Variants in IDE observed in about 807,000 individuals in gnomAD.
IDE encodes the protein insulin-degrading enzyme.
In IDE, 58 loss-of-function variants were observed where a neutral mutation model predicts 133.2. That is an observed-to-expected ratio of 0.44 (90% CI 0.35 to 0.54). IDE has a LOEUF of 0.54. IDE is among the 20% of genes least tolerant of loss of function. The pLI, the probability that IDE is intolerant of heterozygous loss-of-function variation, is 0.00. For missense variants in IDE, 981 were observed against 1,234.0 expected (o/e 0.79, Z 3.07); for synonymous variants, 396 against 421.3 (o/e 0.94, Z 0.73).
intron 4 of IDE, among the ~76,000 whole-genome samples, chr10:92,522,264 T>C (rs543681062): frequency 1.4e-4 from 22 of 152,220 alleles, no homozygotes; most frequent in Non-Finnish European, 2.4e-4. Context: ...TACTTCTCTA[T>C]GCAAAAGCAT....
chr10:92,508,647 T>C, intron 7 of IDE, 81 bp downstream of exon 7: 1 of 1,310,862 alleles, frequency 7.6e-7, no homozygotes, highest in Admixed American at 1.8e-5. Context: ...TGTTCCTTCA[T>C]AGGACACTAT....
intron 14 of IDE, among the ~76,000 whole-genome samples, chr10:92,482,132 C>T (rs747250204): frequency 6.6e-6 from 1 of 152,176 alleles, no homozygotes; most frequent in African/African-American, 2.4e-5. Context: ...TCCTTTCCCT[C>T]TTTCCAAAGC....
At chr10:92,526,148 G>A (rs1321712566) in intron 4 of IDE, among the ~76,000 whole-genome samples, 1 of 143,530 alleles carries the variant, frequency 7.0e-6, no homozygotes, top group South Asian at 2.2e-4. Flanking sequence ...GCGGGACTCC[G>A]TCTCAAAAAA....
intron 9 of IDE, among the ~76,000 whole-genome samples, chr10:92,507,027 A>G (rs573618827): frequency 1.3e-5 from 2 of 152,300 alleles, no homozygotes; most frequent in South Asian, 2.1e-4. Flanking sequence ...GAATCTCGAT[A>G]GGCTTTAAAG....
At chr10:92,533,772 C>G (rs1207649509) in intron 3 of IDE, among the ~76,000 whole-genome samples, 1 of 150,960 alleles carries the variant, frequency 6.6e-6, no homozygotes, top group Non-Finnish European at 1.5e-5. Flanking sequence ...GCCTGTAATC[C>G]CAGCACTCTG....
chr10:92,515,701 C>CA (rs1848882134), intron 4 of IDE, among the ~76,000 whole-genome samples: 1 of 149,990 alleles, frequency 6.7e-6, no homozygotes, highest in African/African-American at 2.4e-5. Context: ...AGCTGGATTA[C>CA]AGGCATGCGC....
chr10:92,480,393 A>G (rs1383010083), intron 14 of IDE, among the ~76,000 whole-genome samples: 1 of 152,240 alleles, frequency 6.6e-6, no homozygotes, highest in African/African-American at 2.4e-5. Flanking sequence ...GCTAGAGGGG[A>G]CACATAATAA....
intron 1 of IDE, among the ~76,000 whole-genome samples, chr10:92,551,829 A>G (rs1299201594): frequency 6.6e-6 from 1 of 151,716 alleles, no homozygotes; most frequent in East Asian, 1.9e-4. Context: ...GCCACCGAAC[A>G]ATACACTTAA....
At chr10:92,569,485 A>G (rs1383256122) in intron 1 of IDE, among the ~76,000 whole-genome samples, 3 of 152,224 alleles carry the variant, frequency 2.0e-5, no homozygotes, top group Non-Finnish European at 4.4e-5. Context: ...GAAGATGATC[A>G]TGGCCTGAAC....
intron 17 of IDE, among the ~76,000 whole-genome samples, chr10:92,471,760 GC>G (rs1845979215): frequency 6.6e-6 from 1 of 152,012 alleles, no homozygotes; most frequent in Non-Finnish European, 1.5e-5. Flanking sequence ...TGTCACCCAG[GC>G]TGAAGTGCAG....
At chr10:92,498,711 G>A (rs942429672) in intron 11 of IDE, among the ~76,000 whole-genome samples, 6 of 152,098 alleles carry the variant, frequency 3.9e-5, no homozygotes, top group Admixed American at 1.3e-4. Flanking sequence ...AGCCAAGATC[G>A]TGCCATTGCA....
At chr10:92,490,733 C>T (rs745815458) in intron 11 of IDE, 138 bp from the exon 12 acceptor site, 3 of 620,870 alleles carry the variant, frequency 4.8e-6, no homozygotes, top group Middle Eastern at 4.3e-4. Flanking sequence ...TCCTGTAAGG[C>T]TTAGTCCAAA....
At chr10:92,570,405 G>T (rs1843729350) in intron 1 of IDE, among the ~76,000 whole-genome samples, 1 of 152,124 alleles carries the variant, frequency 6.6e-6, no homozygotes, top group Non-Finnish European at 1.5e-5. Context: ...CTACAGAGTA[G>T]ACATTCAAAT....
intron 4 of IDE, among the ~76,000 whole-genome samples, chr10:92,515,935 C>T (rs563529799): frequency 4.7e-5 from 7 of 148,004 alleles, no homozygotes; most frequent in Non-Finnish European, 1.0e-4. Context: ...TTTGGGAGGC[C>T]GAGGCAGGCA....
chr10:92,501,275 T>C (rs1186700797), intron 11 of IDE, among the ~76,000 whole-genome samples: 1 of 140,760 alleles, frequency 7.1e-6, no homozygotes, highest in Non-Finnish European at 1.5e-5. Context: ...GGCATGAGAA[T>C]TGCTTAAACC....
At chr10:92,460,251 A>G (rs1244674282) in intron 22 of IDE, among the ~76,000 whole-genome samples, 2 of 152,152 alleles carry the variant, frequency 1.3e-5, no homozygotes, top group Non-Finnish European at 1.5e-5. Flanking sequence ...CTCTGACCAC[A>G]ATTCAAAGGT....
intron 3 of IDE, among the ~76,000 whole-genome samples, chr10:92,532,842 C>G (rs1850016437): frequency 6.6e-6 from 1 of 152,158 alleles, no homozygotes; most frequent in Admixed American, 6.5e-5. Flanking sequence ...CTCTTGGGTC[C>G]ATAAACATCT....
intron 11 of IDE, among the ~76,000 whole-genome samples, chr10:92,502,716 T>C (rs1253691466): frequency 1.3e-5 from 2 of 152,264 alleles, no homozygotes. Flanking sequence ...ACTTTCTCTG[T>C]TGTTCACTGA....
chr10:92,510,864 T>C (rs1007936977), intron 5 of IDE, among the ~76,000 whole-genome samples: 2 of 150,884 alleles, frequency 1.3e-5, no homozygotes, highest in Non-Finnish European at 3.0e-5. Flanking sequence ...ATATCACATA[T>C]ATATCACATA....
Sources: gnomAD v4.1 joint callset for allele counts (sites outside exome capture counted in the v4.1 genomes callset) on GRCh38, gnomAD v4.1.1 for gene constraint, MANE v1.5 for transcripts, NCBI Gene and HGNC (gene_info 2026-07-23, HGNC 2026-07-21) for gene names.